SNW1: variants seen among roughly 807,000 people sequenced by gnomAD.
SNW1 encodes SNW domain containing 1.
A neutral mutation model predicts 75.6 loss-of-function variants in SNW1; 9 were observed. The observed-to-expected ratio is 0.12, with a 90% CI of 0.07 to 0.21. The LOEUF (loss-of-function observed/expected upper bound fraction) is 0.21, where lower values mean the gene tolerates loss of function less well. Ranked by LOEUF, SNW1 falls within the 10% of genes least tolerant of loss-of-function variation. The probability of loss-of-function intolerance (pLI) is 1.00; values close to 1 mark genes in which losing one functional copy is unlikely to be tolerated. For synonymous variants in SNW1, 200 were observed against 219.1 expected (o/e 0.91, Z 0.77); for missense variants, 409 against 670.9 (o/e 0.61, Z 4.31).
intron 1 of SNW1, among the ~76,000 whole-genome samples, chr14:77,756,151 C>T (rs574485033): frequency 2.0e-5 from 3 of 152,078 alleles, no homozygotes; most frequent in South Asian, 2.1e-4. Flanking sequence ...GACAGAGTCT[C>T]GTTCTGTCGC....
At chr14:77,737,323 A>G (rs1378218008) in intron 5 of SNW1, among the ~76,000 whole-genome samples, 1 of 152,210 alleles carries the variant, frequency 6.6e-6, no homozygotes, top group Non-Finnish European at 1.5e-5. Flanking sequence ...ATGTTTTCCA[A>G]CATGGAAGGT....
chr14:77,742,795 C>T (rs1270956897), intron 3 of SNW1, among the ~76,000 whole-genome samples: 1 of 151,646 alleles, frequency 6.6e-6, no homozygotes, highest in Non-Finnish European at 1.5e-5. Context: ...AACTCCTGGC[C>T]TCAAATGATC....
At chr14:77,732,894 C>T (rs535535485) in intron 8 of SNW1, among the ~76,000 whole-genome samples, 1 of 152,184 alleles carries the variant, frequency 6.6e-6, no homozygotes, top group Non-Finnish European at 1.5e-5. Context: ...GAATTCCTGA[C>T]CTTGAGTGAT....
chr14:77,752,378 T>C (rs182818925), intron 2 of SNW1, among the ~76,000 whole-genome samples: 66 of 152,318 alleles, frequency 4.3e-4, no homozygotes, highest in African/African-American at 1.5e-3. Flanking sequence ...TGATGAAATG[T>C]AGTATTTTAA....
At chr14:77,722,776 T>C in intron 11 of SNW1, 1 of 394,360 alleles carries the variant, frequency 2.5e-6, no homozygotes, top group Non-Finnish European at 4.9e-6. Flanking sequence ...AAACTGATCT[T>C]AGTGGACTAA....
At chr14:77,751,255 T>A in intron 3 of SNW1, 64 bp downstream of exon 3, 1 of 1,483,244 alleles carries the variant, frequency 6.7e-7, no homozygotes, top group Non-Finnish European at 9.2e-7. Flanking sequence ...AGATTTATCG[T>A]GTCCACAAAA....
Position 77,717,927 on chromosome 14 carries a change from A to G in SNW1, c.*161T>C. 1 of 637,310 alleles carries G rather than the reference A, an allele frequency of 1.6e-6. No individual in the cohort carries two copies. Among genetic ancestry groups the G allele is most frequent in the Non-Finnish European group, 2.6e-6 (1 of 380,378 alleles). The allele number at this position is 637,310 out of a possible 1,614,324, so 39.5% of individuals were successfully genotyped here. On this transcript the variant is annotated 3_prime_UTR_variant, in exon 14 of 14. Transcript: ENST00000261531. ...TAAAAAAAACTAAATAATTCAAAGT[A>G]GAATTTTCTATCCCCCCCATTTCTC...
intron 12 of SNW1, among the ~76,000 whole-genome samples, chr14:77,720,021 C>G (rs2080526048): frequency 6.6e-6 from 1 of 152,190 alleles, no homozygotes; most frequent in Non-Finnish European, 1.5e-5. Context: ...ATCAGATTTC[C>G]TGACAGCCAG....
chr14:77,726,617 A>G (rs375958951), intron 10 of SNW1, among the ~76,000 whole-genome samples: 5 of 152,272 alleles, frequency 3.3e-5, no homozygotes, highest in African/African-American at 1.2e-4. Flanking sequence ...GTCTGAGACC[A>G]GCCTGGCCAA....
At chr14:77,719,940 T>C (rs896420879) in intron 12 of SNW1, among the ~76,000 whole-genome samples, 4 of 152,360 alleles carry the variant, frequency 2.6e-5, no homozygotes, top group Non-Finnish European at 5.9e-5. Context: ...TTCTTGTGTG[T>C]GCGCATGCGC....
chr14:77,720,862 T>C (rs1182629001), intron 11 of SNW1, 34 bp from the exon 12 acceptor site: 6 of 1,340,716 alleles, frequency 4.5e-6, no homozygotes, highest in Non-Finnish European at 6.4e-6. Flanking sequence ...AACTGAAAAC[T>C]CTTTATAGAC....
chr14:77,747,618 AAGGGAAG>A (rs2080771853), intron 3 of SNW1, among the ~76,000 whole-genome samples: 1 of 146,322 alleles, frequency 6.8e-6, no homozygotes, highest in Non-Finnish European at 1.5e-5. Context: ...CCCGTCTGAG[AAGGGAAG>A]AGCCCCTCCG....
At chr14:77,727,026 T>C (rs1323244164) in intron 10 of SNW1, among the ~76,000 whole-genome samples, 1 of 152,060 alleles carries the variant, frequency 6.6e-6, no homozygotes, top group Non-Finnish European at 1.5e-5. Context: ...AGGATCATAC[T>C]GTCTCTGACA....
intron 11 of SNW1, chr14:77,721,212 T>C (rs945730670): frequency 6.3e-6 from 1 of 157,596 alleles, no homozygotes; most frequent in African/African-American, 2.4e-5. Context: ...ACGAAACATT[T>C]TAAATAAGCT....
chr14:77,739,805 C>A (rs1030152), intron 3 of SNW1, among the ~76,000 whole-genome samples: 15,445 of 151,898 alleles, frequency 0.1, 927 homozygotes, highest in African/African-American at 0.15. Flanking sequence ...TAAATATTTT[C>A]ATAACAATTT....
At chr14:77,758,869 A>G (rs923305573) in intron 1 of SNW1, among the ~76,000 whole-genome samples, 9 of 142,748 alleles carry the variant, frequency 6.3e-5, no homozygotes, top group Non-Finnish European at 1.6e-5. Flanking sequence ...ACACCAGTCA[A>G]GTGTCCTCTA....
In SNW1 at chr14:77,760,811, G is replaced by A. The variant is rs2080883560; in HGVS notation, c.14+303C>T. On this transcript the variant is annotated intron_variant, in intron 1 of 13. Transcript: ENST00000261531. ...TCTCGTTCGCCCGAGCCGCGGACCTGAGGGAGCGCTGTCCGCTCCCCGCAA... is the reference window on the plus strand; with the variant it reads ...TCTCGTTCGCCCGAGCCGCGGACCTAAGGGAGCGCTGTCCGCTCCCCGCAA... 8.4e-6 allele frequency: 6 copies of A among 715,786 alleles called. No individual in the cohort carries two copies. The Admixed American group carries it at 1.0e-4, about 12-fold the overall frequency. The allele number at this position is 715,786 out of a possible 1,614,324, so 44.3% of individuals were successfully genotyped here. A position where few individuals can be genotyped will look rare whatever the true frequency, so the allele number is the denominator to read the frequency against.
At position 77,718,270 on chromosome 14, in the gene SNW1, C is replaced by A. The variant is rs1396268310; in HGVS notation, c.1429G>T (p.Glu477Ter). The change falls in exon 14 of 14, where the codon GAG becomes TAG. Residue 477 changes from glutamate to a stop codon, truncating the protein, a stop_gained. Transcript: ENST00000261531. LOFTEE classifies it high-confidence loss of function. ...IKTNRFVPDK[E>*]FSGSDRRQRG... ...TGTCTACGGTCTGAACCAGAAAACT[C>A]CTTGTCGGGAACAAATCTAAGGAAA... The A allele has an allele frequency of 6.2e-7, 1 of 1,613,558 alleles. No individual in the cohort carries two copies. Among genetic ancestry groups the A allele is most frequent in the African/African-American group, 1.3e-5 (1 of 74,870 alleles).
intron 3 of SNW1, among the ~76,000 whole-genome samples, chr14:77,743,688 C>T (rs931420452): frequency 6.6e-6 from 1 of 152,172 alleles, no homozygotes; most frequent in Non-Finnish European, 1.5e-5. Context: ...TCACTGCCAC[C>T]TCTAACTCCT....
Sources: gnomAD v4.1 joint callset for allele counts (sites outside exome capture counted in the v4.1 genomes callset) on GRCh38, gnomAD v4.1.1 for gene constraint, MANE v1.5 for transcripts, NCBI Gene and HGNC (gene_info 2026-07-23, HGNC 2026-07-21) for gene names.